Variants in THEMIS observed in about 807,000 individuals in gnomAD.
The protein encoded by THEMIS is thymocyte selection associated, also known as protein THEMIS.
In THEMIS, 37 loss-of-function variants were observed where a neutral mutation model predicts 52.6. The ratio of observed to expected loss-of-function variants is 0.70; its 90% CI spans 0.54 to 0.93. The LOEUF is 0.93. Among genes scored for constraint, THEMIS ranks in the 40% least tolerant of loss-of-function variants. The pLI is 0.00. For synonymous variants in THEMIS, 292 were observed against 272.7 expected (o/e 1.07, Z -0.70); for missense variants, 808 against 763.1 (o/e 1.06, Z -0.69).
the THEMIS span, among the ~76,000 whole-genome samples, chr6:127,698,462 A>C: frequency 4.6e-3 from 697 of 152,234 alleles, 4 homozygotes; most frequent in African/African-American, 0.016. Flanking sequence ...TCTTTCGTTA[A>C]TATCCATTGT....
At chr6:127,901,076 G>A, upstream of THEMIS, 2 of 672,474 alleles carry the variant, frequency 3.0e-6, no homozygotes, top group Non-Finnish European at 5.3e-6. Context: ...GTGGGGTGGA[G>A]TAGCTCTATG....
chr6:127,776,596 A>G (rs1185679056), intron 4 of THEMIS, among the ~76,000 whole-genome samples: 1 of 152,264 alleles, frequency 6.6e-6, no homozygotes, highest in Non-Finnish European at 1.5e-5. Flanking sequence ...AGGTAGCATC[A>G]TAAAAGACCC....
At position 127,908,155 on chromosome 6, in the gene THEMIS, G is replaced by A. The variant is rs548254233; in HGVS notation, c.-149-7074C>T. Reference sequence around the variant, plus strand: ...AGGATTCATGTTTCTTCCCATGTAAGTTTCTTTTTTGATCATCCTTTTTTC... The same window carrying A: ...AGGATTCATGTTTCTTCCCATGTAAATTTCTTTTTTGATCATCCTTTTTTC... On this transcript the variant is annotated intron_variant, in intron 1 of 6. Transcript: ENST00000368250. 8.5e-5 allele frequency among the ~76,000 whole-genome samples: 13 copies of A among 152,098 alleles called. No homozygotes were observed. The South Asian group carries it at 2.1e-3, about 24-fold the overall frequency.
At chr6:127,855,389 T>C (rs115588559) in intron 1 of THEMIS, among the ~76,000 whole-genome samples, 2,779 of 152,032 alleles carry the variant, frequency 0.018, 104 homozygotes, top group African/African-American at 0.063. Flanking sequence ...GGGCCAAATA[T>C]AAATAAATCT....
the THEMIS span, among the ~76,000 whole-genome samples, chr6:127,697,931 A>G: frequency 1.3e-5 from 2 of 152,298 alleles, no homozygotes; most frequent in African/African-American, 2.4e-5. Flanking sequence ...TGTCAAAATC[A>G]AGTTACTCCT....
downstream of THEMIS, among the ~76,000 whole-genome samples, chr6:127,704,774 C>A (rs537745002): frequency 1.3e-4 from 20 of 152,274 alleles, 1 homozygote; most frequent in South Asian, 2.9e-3. Context: ...ACTGATGAAG[C>A]ACACAAGGCA....
At chr6:127,870,303 G>A (rs6920536) in intron 1 of THEMIS, among the ~76,000 whole-genome samples, 2,172 of 152,222 alleles carry the variant, frequency 0.014, 55 homozygotes, top group African/African-American at 0.05. Flanking sequence ...TCATAGTGAG[G>A]GGTCAGCACT....
chr6:127,888,508 A>G (rs1036097026), intron 1 of THEMIS, among the ~76,000 whole-genome samples: 1 of 152,112 alleles, frequency 6.6e-6, no homozygotes, highest in Non-Finnish European at 1.5e-5. Flanking sequence ...TTGAAAGTTA[A>G]TTCATATTTT....
chr6:127,765,661 T>C (rs1776171647), intron 4 of THEMIS, among the ~76,000 whole-genome samples: 1 of 152,090 alleles, frequency 6.6e-6, no homozygotes. Context: ...ATCTTTAATG[T>C]GCCTTTTTAT....
the THEMIS span, among the ~76,000 whole-genome samples, chr6:127,697,647 GT>G: frequency 6.6e-6 from 1 of 152,012 alleles, no homozygotes; most frequent in Non-Finnish European, 1.5e-5. Flanking sequence ...TGTCATGTAT[GT>G]TTTGACTTCA....
intron 4 of THEMIS, among the ~76,000 whole-genome samples, chr6:127,734,907 ATATATATG>A (rs1774944714): frequency 2.3e-5 from 3 of 129,110 alleles, no homozygotes; most frequent in Non-Finnish European, 5.0e-5. Context: ...ATATATATAT[ATATATATG>A]TGTGTGTGTG....
At chr6:127,808,558 C>T (rs565660615) in intron 4 of THEMIS, among the ~76,000 whole-genome samples, 1 of 152,248 alleles carries the variant, frequency 6.6e-6, no homozygotes, top group East Asian at 1.9e-4. Flanking sequence ...TGAGGATTCC[C>T]CTGGCCTATT....
intron 1 of THEMIS, among the ~76,000 whole-genome samples, chr6:127,914,732 T>C (rs1207477407): frequency 6.6e-6 from 1 of 152,190 alleles, no homozygotes; most frequent in Non-Finnish European, 1.5e-5. Flanking sequence ...GAAAGGAACT[T>C]TCAAATGTAT....
chr6:127,815,066 G>A (rs1778078810), intron 3 of THEMIS, among the ~76,000 whole-genome samples: 1 of 152,010 alleles, frequency 6.6e-6, no homozygotes, highest in African/African-American at 2.4e-5. Flanking sequence ...TGGGAAGATC[G>A]CTTGAGCCTG....
At chr6:127,881,912 A>G (rs1780495288) in intron 1 of THEMIS, among the ~76,000 whole-genome samples, 1 of 151,664 alleles carries the variant, frequency 6.6e-6, no homozygotes, top group South Asian at 2.1e-4. Flanking sequence ...CTAAAAGGTT[A>G]ACTTTTTATT....
At chr6:127,786,221 T>C (rs965247701) in intron 4 of THEMIS, among the ~76,000 whole-genome samples, 1 of 152,174 alleles carries the variant, frequency 6.6e-6, no homozygotes, top group African/African-American at 2.4e-5. Flanking sequence ...AATTACCCTG[T>C]TCTAGCCTAC....
chr6:127,860,961 C>A (rs1351462745), intron 1 of THEMIS, among the ~76,000 whole-genome samples: 1 of 152,048 alleles, frequency 6.6e-6, no homozygotes, highest in Non-Finnish European at 1.5e-5. Flanking sequence ...ATTATCAGAG[C>A]AAAGGGATTT....
At chr6:127,750,530 C>G (rs987444671) in intron 4 of THEMIS, among the ~76,000 whole-genome samples, 1 of 151,680 alleles carries the variant, frequency 6.6e-6, no homozygotes, top group African/African-American at 2.4e-5. Context: ...ATTATTAATA[C>G]AAGAGCTATT....
intron 4 of THEMIS, among the ~76,000 whole-genome samples, chr6:127,748,293 T>G (rs543861991): frequency 6.6e-6 from 1 of 151,930 alleles, no homozygotes; most frequent in Non-Finnish European, 1.5e-5. Flanking sequence ...TAAAAACGAG[T>G]GGCTGCATCT....
Sources: allele counts gnomAD v4.1 joint callset (sites outside exome capture counted in the v4.1 genomes callset), GRCh38; gene constraint gnomAD v4.1.1; transcripts MANE v1.5; gene names NCBI Gene and HGNC (gene_info 2026-07-23, HGNC 2026-07-21).